The following DAB2IP variants were observed in gnomAD, a reference collection of about 807,000 sequenced individuals.
The protein encoded by DAB2IP is disabled homolog 2-interacting protein.
Under a neutral mutation model 107.2 loss-of-function variants are expected in DAB2IP, and 28 were observed. The observed-to-expected ratio is 0.26, with a 90% CI of 0.19 to 0.36. The LOEUF (loss-of-function observed/expected upper bound fraction) is 0.36. Among genes scored for constraint, DAB2IP ranks in the 10% least tolerant of loss-of-function variants. The probability of loss-of-function intolerance (pLI) is 1.00; values close to 1 mark genes in which losing one functional copy is unlikely to be tolerated. For missense variants in DAB2IP, 1,400 were observed against 1,644.7 expected (o/e 0.85, Z 2.57); for synonymous variants, 755 against 706.4 (o/e 1.07, Z -1.09).
chr9:121,630,578 T>G (rs547023513), intron 1 of DAB2IP, among the ~76,000 whole-genome samples: 73 of 151,136 alleles, frequency 4.8e-4, no homozygotes, highest in African/African-American at 1.6e-3. Flanking sequence ...CACACCCGGC[T>G]AATTTTTGTA....
At chr9:121,747,549 G>A (rs1373028324) in intron 3 of DAB2IP, among the ~76,000 whole-genome samples, 4 of 151,948 alleles carry the variant, frequency 2.6e-5, no homozygotes, top group African/African-American at 7.2e-5. Flanking sequence ...GGGTTTCACC[G>A]TGTTAGCCAG....
intron 9 of DAB2IP, 49 bp from the exon 10 acceptor site, chr9:121,768,383 C>G: frequency 6.2e-7 from 1 of 1,602,480 alleles, no homozygotes; most frequent in Non-Finnish European, 8.5e-7. Flanking sequence ...AGTTCCTGGG[C>G]AGGGCCTGCC....
rs145581569 is a variant in DAB2IP, at chr9:121,630,205, A to G, written c.41-48473A>G. Among the ~76,000 whole-genome samples the G allele has an allele frequency of 2.0e-5, 3 of 152,294 alleles. No individual in the cohort carries two copies. In the East Asian group the frequency reaches 5.8e-4, roughly 29 times the overall value. ...TTGTTCACCGTACTTCAAAATTACAATAGTTATTAGCCCCAGATCTTGTTC... is the reference window on the plus strand; with the variant it reads ...TTGTTCACCGTACTTCAAAATTACAGTAGTTATTAGCCCCAGATCTTGTTC... On this transcript the variant is annotated intron_variant, in intron 1 of 16. Transcript: ENST00000259371.
At chr9:121,771,118 A>C (rs1834692035) in intron 11 of DAB2IP, among the ~76,000 whole-genome samples, 1 of 152,168 alleles carries the variant, frequency 6.6e-6, no homozygotes, top group Admixed American at 6.5e-5. Flanking sequence ...CTGAGTCAGA[A>C]TCTCCAGAAG....
At chr9:121,695,783 T>C (rs940383094) in intron 2 of DAB2IP, among the ~76,000 whole-genome samples, 2 of 152,234 alleles carry the variant, frequency 1.3e-5, no homozygotes, top group East Asian at 3.8e-4. Context: ...CCTGTACATG[T>C]ATATGGGAAT....
intron 1 of DAB2IP, among the ~76,000 whole-genome samples, chr9:121,608,531 A>G (rs1830967416): frequency 6.6e-6 from 1 of 152,078 alleles, no homozygotes; most frequent in South Asian, 2.1e-4. Context: ...AACTGGTTGG[A>G]GCAGGAGTTG....
chr9:121,773,019 C>T, exon 12 of DAB2IP: 1 of 1,612,210 alleles, frequency 6.2e-7, no homozygotes, highest in South Asian at 1.1e-5. Context: ...CTTCCAGAAC[C>T]CTGTGTACCA....
chr9:121,656,668 G>A (rs555528150), intron 1 of DAB2IP, among the ~76,000 whole-genome samples: 1 of 152,208 alleles, frequency 6.6e-6, no homozygotes, highest in African/African-American at 2.4e-5. Flanking sequence ...TTTTGTTACG[G>A]CTCCTGTGTG....
Position 121,776,584 on chromosome 9 carries a change from A to G in DAB2IP, c.3314+193A>G, listed in dbSNP as rs905334191. ...GCAGGAGGTGGCCTGGAGGGTGGGC[A>G]GCCCATGCAGAATACAAAGCTGGGG... On this transcript the variant is annotated intron_variant, in intron 14 of 15. Transcript: ENST00000408936. The surrounding 1 kb of genome is among the most constrained non-coding windows in gnomAD (Gnocchi z 5.4). Among the ~76,000 whole-genome samples the G allele has an allele frequency of 6.6e-6, 1 of 152,164 alleles. No individual in the cohort carries two copies. Among genetic ancestry groups the G allele is most frequent in the African/African-American group, 2.4e-5 (1 of 41,446 alleles).
In DAB2IP at chr9:121,774,429, G is replaced by T. The variant is rs528608849; in HGVS notation, c.3120+17G>T. 9.4e-6 allele frequency: 15 copies of T among 1,602,640 alleles called. No homozygotes were observed. Among genetic ancestry groups the T allele is most frequent in the Non-Finnish European group, 1.2e-5 (14 of 1,175,822 alleles). On this transcript the variant is annotated intron_variant, in intron 13 of 15. Transcript: ENST00000408936. ...GCAGAAAAGGTAAAACTGGACCCTG[G>T]CGGCTCGGGACAGGGCGGGGCTGCC... is the stretch of plus-strand genomic sequence containing the variant.
chr9:121,577,746 G>A (rs1159961079), intron 1 of DAB2IP, among the ~76,000 whole-genome samples: 1 of 152,170 alleles, frequency 6.6e-6, no homozygotes, highest in Admixed American at 6.5e-5. Flanking sequence ...GTTAGGCATG[G>A]AAAATGGAGG....
At chr9:121,751,911 CGT>C in intron 3 of DAB2IP, 1 of 985,372 alleles carries the variant, frequency 1.0e-6, no homozygotes, top group Non-Finnish European at 1.2e-6. Flanking sequence ...TTGGCTGTCC[CGT>C]GTGTGACCTG....
At chr9:121,596,655 A>T (rs1211666132) in intron 1 of DAB2IP, among the ~76,000 whole-genome samples, 1 of 150,872 alleles carries the variant, frequency 6.6e-6, no homozygotes, top group Non-Finnish European at 1.5e-5. Flanking sequence ...TTTGCTGACT[A>T]CCCCACAATT....
intron 1 of DAB2IP, among the ~76,000 whole-genome samples, chr9:121,674,497 A>C (rs1290445219): frequency 6.6e-6 from 1 of 152,100 alleles, no homozygotes; most frequent in Non-Finnish European, 1.5e-5. Flanking sequence ...GTGGGCCCCT[A>C]TCCTCCGGCC....
intron 2 of DAB2IP, among the ~76,000 whole-genome samples, chr9:121,691,882 G>T (rs1386828105): frequency 6.6e-6 from 1 of 152,244 alleles, no homozygotes; most frequent in Non-Finnish European, 1.5e-5. Context: ...AATGTTTAGG[G>T]CAGGAAGCTT....
chr9:121,783,883 C>G (rs1168276745), exon 16 of DAB2IP: 1 of 369,612 alleles, frequency 2.7e-6, no homozygotes, highest in East Asian at 4.8e-5. Flanking sequence ...CTGTTCCCAG[C>G]CCCTGCAGAT....
intron 1 of DAB2IP, among the ~76,000 whole-genome samples, chr9:121,669,742 T>C (rs1197030215): frequency 6.6e-6 from 1 of 152,192 alleles, no homozygotes; most frequent in Non-Finnish European, 1.5e-5. Context: ...ACCTTGTCTT[T>C]ATGGGTTACT....
At chr9:121,659,389 A>C (rs1833103868) in intron 1 of DAB2IP, among the ~76,000 whole-genome samples, 1 of 152,200 alleles carries the variant, frequency 6.6e-6, no homozygotes, top group East Asian at 1.9e-4. Context: ...GACTGCAGAC[A>C]AGTCACTGAA....
At chr9:121,678,652 A>G (rs1389190691) in intron 1 of DAB2IP, 26 bp from the exon 2 acceptor site, 6 of 1,478,926 alleles carry the variant, frequency 4.1e-6, no homozygotes, top group Non-Finnish European at 5.4e-6. Flanking sequence ...TTCTTGTTCA[A>G]CCTCTCTCTC....
Sources: gnomAD v4.1 joint callset for allele counts (sites outside exome capture counted in the v4.1 genomes callset) on GRCh38, gnomAD v4.1.1 for gene constraint, Gnocchi (gnomAD v3.1) non-coding constraint, MANE v1.5 for transcripts, NCBI Gene and HGNC (gene_info 2026-07-23, HGNC 2026-07-21) for gene names.